FNBP4: variants seen among roughly 807,000 people sequenced by gnomAD.
FNBP4 encodes formin binding protein 4, also known as formin-binding protein 4.
FNBP4 carries 34 observed loss-of-function variants against 119.3 expected under a neutral mutation model. The ratio of observed to expected loss-of-function variants is 0.28; its 90% confidence interval spans 0.22 to 0.38. FNBP4 has a LOEUF of 0.38. Among genes scored for constraint, FNBP4 ranks in the 10% least tolerant of loss-of-function variants. FNBP4 has a pLI of 1.00. For missense variants in FNBP4, 1,112 were observed against 1,228.9 expected, an observed-to-expected ratio of 0.90 and a Z score of 1.42; for synonymous variants, 462 against 430.6, an observed-to-expected ratio of 1.07 and a Z score of -0.90.
intron 7 of FNBP4, among the ~76,000 whole-genome samples, chr11:47,745,850 T>C (rs1276211972): frequency 6.6e-6 from 1 of 152,016 alleles, no homozygotes; most frequent in Non-Finnish European, 1.5e-5. Context: ...TGGGGGTGAG[T>C]TCCCCCGATA....
At chr11:47,734,175 T>G in intron 9 of FNBP4, 46 bp from the exon 10 acceptor site, 1 of 1,107,974 alleles carries the variant, frequency 9.0e-7, no homozygotes, top group Non-Finnish European at 1.3e-6. Context: ...TCCGTAACAT[T>G]TTCTGTATTA....
intron 1 of FNBP4, 87 bp from the exon 2 acceptor site, chr11:47,765,449 C>T: frequency 1.0e-6 from 1 of 956,436 alleles, no homozygotes; most frequent in Non-Finnish European, 1.6e-6. Context: ...AGAGAAAACA[C>T]TAGAGGTGAC....
rs553041077 is a variant in FNBP4, at chr11:47,754,521, C to G, written c.450+7G>C. 7 of 1,612,576 alleles carry G rather than the reference C, an allele frequency of 4.3e-6. No homozygotes were observed. The South Asian group carries it at 6.6e-5, about 15-fold the overall frequency. On this transcript the variant is annotated splice_region_variant and intron_variant, in intron 3 of 16. Transcript: ENST00000263773. The stretch of plus-strand genomic sequence containing the variant: ...TAACTAAAACTCCAAACGAAAGCAC[C>G]ACTAACCGCTAGGAAGTTGGCCAAT...
At chr11:47,765,569 G>GGGC (rs1445455075) in intron 1 of FNBP4, among the ~76,000 whole-genome samples, 1 of 28,858 alleles carries the variant, frequency 3.5e-5, no homozygotes, top group Non-Finnish European at 7.4e-5. Flanking sequence ...GGCCAAGACG[G>GGGC]GGGGGGGGGG....
Position 47,757,373 on chromosome 11 carries a change from G to A in FNBP4, c.314-2709C>T, listed in dbSNP as rs553249214. On this transcript the variant is annotated intron_variant, in intron 2 of 16. Transcript: ENST00000263773. Reference sequence around the variant, plus strand: ...GGGACTACAGGCGCCCGCCACGCCCGGCTAATTTTTTTGTATTTTTAGTAG... The same window carrying A: ...GGGACTACAGGCGCCCGCCACGCCCAGCTAATTTTTTTGTATTTTTAGTAG... 1.5e-4 allele frequency among the ~76,000 whole-genome samples: 22 copies of A among 150,694 alleles called. No homozygotes were observed. In the East Asian group the frequency reaches 3.4e-3, roughly 23 times the overall value.
intron 1 of FNBP4, among the ~76,000 whole-genome samples, chr11:47,766,000 T>C (rs1173457632): frequency 6.6e-6 from 1 of 151,698 alleles, no homozygotes; most frequent in Non-Finnish European, 1.5e-5. Context: ...TTCATCTGCT[T>C]ACAAACTTCA....
intron 1 of FNBP4, among the ~76,000 whole-genome samples, chr11:47,765,920 G>A (rs2097646894): frequency 1.6e-5 from 2 of 122,904 alleles, no homozygotes; most frequent in African/African-American, 6.0e-5. Flanking sequence ...TCCTGACCTC[G>A]AGTAATCCGC....
intron 1 of FNBP4, 71 bp downstream of exon 1, chr11:47,766,998 T>G: frequency 6.8e-7 from 1 of 1,467,670 alleles, no homozygotes; most frequent in Non-Finnish European, 8.9e-7. Context: ...TCGCCGGGTC[T>G]GGCCAGGCGC....
rs951662254 is a variant in FNBP4 at position 47,751,373 on chromosome 11, A to T, written c.638-83T>A. ...AGCTCAAAAGCCAAAATCACCTAAC[A>T]GTTTCTCAAAACAGCACTGTTAACT... On this transcript the variant is annotated intron_variant, in intron 4 of 16. Coordinates refer to ENST00000263773, the MANE Select transcript of FNBP4 (RefSeq NM_015308.5). 3.8e-4 allele frequency: 579 copies of T among 1,504,264 alleles called. 2 individuals are homozygous for T. The Middle Eastern group carries it at 5.4e-3, about 14-fold the overall frequency. The allele number at this position is 1,504,264 out of a possible 1,614,324, so 93.2% of individuals were successfully genotyped here.
intron 8 of FNBP4, among the ~76,000 whole-genome samples, chr11:47,739,686 G>A (rs1230828976): frequency 6.6e-6 from 1 of 152,124 alleles, no homozygotes; most frequent in East Asian, 1.9e-4. Context: ...GCACTTTGGG[G>A]GAGCGAGGCA....
At chr11:47,755,679 C>T (rs952970960) in intron 2 of FNBP4, among the ~76,000 whole-genome samples, 1 of 150,716 alleles carries the variant, frequency 6.6e-6, no homozygotes, top group South Asian at 2.1e-4. Flanking sequence ...AAAATTTAGC[C>T]GAGCATACGG....
rs1489004791 is a variant in FNBP4 at position 47,743,955 on chromosome 11, G to A, written c.1454C>T (p.Thr485Ile). Residue 485 changes from threonine to isoleucine, a missense_variant and splice_region_variant, in exon 8 of 17, where the codon ACT becomes ATT. Around this residue, in one of 2 missense-constraint regions of FNBP4, gnomAD observed 826 missense variants for 988.8 expected, o/e 0.84. Coordinates refer to ENST00000263773, the MANE Select transcript of FNBP4 (RefSeq NM_015308.5). ...TGRDTPENGE[T>I]AIGAENSEKI... ...GTTTAATGTGAAGCACAAATTACCA[G>A]TTTCTCCATTTTCTGGAGTATCTCG... is the stretch of plus-strand genomic sequence containing the variant. The A allele has an allele frequency of 1.2e-6, 2 of 1,613,660 alleles. No homozygotes were observed. The highest frequency in any genetic ancestry group is 1.3e-5 in the African/African-American group (1 of 75,040).
At chr11:47,761,014 A>T (rs2097633119) in intron 2 of FNBP4, among the ~76,000 whole-genome samples, 1 of 152,200 alleles carries the variant, frequency 6.6e-6, no homozygotes. Flanking sequence ...TGAAACAACT[A>T]AAATCTGTAA....
At chr11:47,751,623 T>A (rs1371209644) in intron 4 of FNBP4, among the ~76,000 whole-genome samples, 1 of 152,114 alleles carries the variant, frequency 6.6e-6, no homozygotes, top group Non-Finnish European at 1.5e-5. Context: ...TCTCAATATC[T>A]AACATTTAGA....
chr11:47,765,088 A>C (rs1313230827), intron 2 of FNBP4, among the ~76,000 whole-genome samples, 182 bp downstream of exon 2: 1 of 152,182 alleles, frequency 6.6e-6, no homozygotes, highest in Non-Finnish European at 1.5e-5. Context: ...CAAATTTTGC[A>C]CTGGTCAAAG....
At chr11:47,750,033 G>A (rs926194589) in intron 6 of FNBP4, among the ~76,000 whole-genome samples, 2 of 151,934 alleles carry the variant, frequency 1.3e-5, no homozygotes, top group South Asian at 2.1e-4. Flanking sequence ...CTGCTCCCAC[G>A]TCCTTTGCAA....
At position 47,721,216 on chromosome 11, in the gene FNBP4, C is replaced by T. The variant is rs536113907; in HGVS notation, c.2806-1130G>A. ...GGCGCCTGTAGTCCCAGCTACTCTG[C>T]ACTTCAGCCTGGGCGACAGAGCAAG... On this transcript the variant is annotated intron_variant, in intron 15 of 16. Transcript: ENST00000263773. 6.0e-5 allele frequency among the ~76,000 whole-genome samples: 9 copies of T among 151,246 alleles called. No individual in the cohort carries two copies. The South Asian group carries it at 1.7e-3, about 28-fold the overall frequency.
At position 47,732,760 on chromosome 11, in the gene FNBP4, A is replaced by G; in HGVS notation, c.1687-90T>C. On this transcript the variant is annotated intron_variant, in intron 10 of 16. Transcript: ENST00000263773. The surrounding 1 kb of genome is among the most constrained non-coding windows in gnomAD (Gnocchi z 4.2). ...GATATAAACCTTCTGCTCCAAGACT[A>G]TATCCCTGTGCTCTGGCAGGACAGT... 3.3e-6 allele frequency: 4 copies of G among 1,218,830 alleles called. No individual in the cohort carries two copies. The highest frequency in any genetic ancestry group is 4.8e-6 in the Non-Finnish European group (4 of 834,844). The allele number at this position is 1,218,830 out of a possible 1,614,324, so 75.5% of individuals were successfully genotyped here.
chr11:47,760,608 A>G (rs2097631960), intron 2 of FNBP4, among the ~76,000 whole-genome samples: 1 of 151,630 alleles, frequency 6.6e-6, no homozygotes, highest in African/African-American at 2.4e-5. Flanking sequence ...ATTTTTTTGT[A>G]TTTCTAGTAG....
Sources: gnomAD v4.1 joint callset for allele counts (sites outside exome capture counted in the v4.1 genomes callset) on GRCh38, gnomAD v4.1.1 for gene constraint, gnomAD v4.1.1 regional missense constraint, Gnocchi (gnomAD v3.1) non-coding constraint, MANE v1.5 for transcripts, NCBI Gene and HGNC (gene_info 2026-07-23, HGNC 2026-07-21) for gene names.